Variants in DCC observed in about 807,000 individuals in gnomAD.
DCC encodes netrin receptor DCC.
Under a neutral mutation model 172.5 loss-of-function variants are expected in DCC, and 58 were observed. That is an observed-to-expected ratio of 0.34 (90% CI 0.27 to 0.42). The LOEUF is 0.42. Among genes scored for constraint, DCC ranks in the 10% least tolerant of loss-of-function variants. The pLI, the probability that DCC is intolerant of heterozygous loss-of-function variation, is 1.00. For missense variants in DCC, 1,740 were observed against 1,791.0 expected, an observed-to-expected ratio of 0.97 and a Z score of 0.51; for synonymous variants, 709 against 644.5, an observed-to-expected ratio of 1.10 and a Z score of -1.52.
intron 12 of DCC, among the ~76,000 whole-genome samples, chr18:53,293,403 C>A (rs1356046424): frequency 3.3e-5 from 5 of 152,214 alleles, no homozygotes; most frequent in African/African-American, 1.2e-4. Flanking sequence ...TGTTTCTGTA[C>A]ATCTGTGCCT....
intron 27 of DCC, among the ~76,000 whole-genome samples, chr18:53,521,853 G>A (rs2046402656): frequency 6.6e-6 from 1 of 152,210 alleles, no homozygotes; most frequent in Non-Finnish European, 1.5e-5. Context: ...AGTAAAAGAT[G>A]TGTGAAAAAA....
chr18:53,333,384 A>G (rs1454475964), intron 14 of DCC, among the ~76,000 whole-genome samples: 1 of 152,222 alleles, frequency 6.6e-6, no homozygotes, highest in African/African-American at 2.4e-5. Context: ...CTCTAACAAA[A>G]TGATCCATAA....
At chr18:52,888,634 T>C (rs756033713) in intron 2 of DCC, among the ~76,000 whole-genome samples, 8 of 151,930 alleles carry the variant, frequency 5.3e-5, no homozygotes, top group African/African-American at 9.7e-5. Flanking sequence ...TATATAAATA[T>C]TGCAAAAAAC....
chr18:53,154,034 G>A (rs2054687401), intron 7 of DCC, among the ~76,000 whole-genome samples: 2 of 152,188 alleles, frequency 1.3e-5, no homozygotes, highest in Non-Finnish European at 2.9e-5. Context: ...GCCTCTGCCC[G>A]AAGGTATTTT....
At chr18:53,080,205 A>G (rs918259494) in intron 7 of DCC, among the ~76,000 whole-genome samples, 16 of 152,046 alleles carry the variant, frequency 1.1e-4, no homozygotes, top group African/African-American at 3.9e-4. Flanking sequence ...ATTGAGATGA[A>G]TATGTGCAGG....
intron 1 of DCC, among the ~76,000 whole-genome samples, chr18:52,719,353 A>G (rs1488404307): frequency 6.6e-6 from 1 of 152,160 alleles, no homozygotes; most frequent in Non-Finnish European, 1.5e-5. Context: ...AAAAATCAAC[A>G]TTAAAAACCT....
intron 1 of DCC, among the ~76,000 whole-genome samples, chr18:52,543,968 C>T (rs1025357851): frequency 1.1e-4 from 16 of 152,122 alleles, no homozygotes; most frequent in South Asian, 2.1e-4. Context: ...TGCTATGAAA[C>T]GCTTACAAAA....
intron 2 of DCC, among the ~76,000 whole-genome samples, chr18:52,805,018 A>G (rs954236773): frequency 2.0e-5 from 3 of 152,332 alleles, no homozygotes; most frequent in South Asian, 2.1e-4. Context: ...CTCTGCCACT[A>G]AATGTGTAAT....
intron 9 of DCC, among the ~76,000 whole-genome samples, chr18:53,201,994 G>C (rs1189860632): frequency 1.3e-5 from 2 of 152,150 alleles, no homozygotes; most frequent in Non-Finnish European, 2.9e-5. Context: ...CATATGTACT[G>C]TCTGTGTATA....
chr18:52,344,209 G>A (rs376667252), intron 1 of DCC, among the ~76,000 whole-genome samples: 3 of 152,210 alleles, frequency 2.0e-5, no homozygotes, highest in South Asian at 2.1e-4. Flanking sequence ...TCATTGAAGA[G>A]GAAGAGCCTT....
intron 2 of DCC, among the ~76,000 whole-genome samples, chr18:52,787,467 T>C (rs2037681653): frequency 1.3e-5 from 2 of 152,144 alleles, no homozygotes; most frequent in Non-Finnish European, 2.9e-5. Context: ...TTTACAATAA[T>C]TTTACCCTTA....
intron 1 of DCC, among the ~76,000 whole-genome samples, chr18:52,581,914 C>A (rs1190540495): frequency 6.6e-6 from 1 of 152,144 alleles, no homozygotes; most frequent in Non-Finnish European, 1.5e-5. Context: ...GATGAACTAA[C>A]TATTGGTGGT....
At chr18:53,477,643 G>T (rs968499742) in intron 25 of DCC, among the ~76,000 whole-genome samples, 5 of 152,182 alleles carry the variant, frequency 3.3e-5, no homozygotes, top group African/African-American at 1.2e-4. Flanking sequence ...AATGTTAACA[G>T]ATAAAACATA....
chr18:53,518,752 G>A (rs751387562), intron 27 of DCC, among the ~76,000 whole-genome samples: 10 of 152,082 alleles, frequency 6.6e-5, no homozygotes, highest in South Asian at 6.2e-4. Flanking sequence ...CCAAAGGGTC[G>A]CCTGAAACTT....
chr18:53,103,676 C>T (rs184657923), intron 7 of DCC, among the ~76,000 whole-genome samples: 51 of 152,166 alleles, frequency 3.4e-4, no homozygotes, highest in African/African-American at 8.4e-4. Flanking sequence ...TTTCATGAAA[C>T]GCTTGATCCT....
intron 8 of DCC, among the ~76,000 whole-genome samples, chr18:53,159,008 A>AAAAAAAAAAAAAAAAAAAAG (rs34406723): frequency 1.3e-4 from 16 of 119,168 alleles, no homozygotes; most frequent in African/African-American, 3.9e-4. Context: ...AAAAAAAAGA[A>AAAAAAAAAAAAAAAAAAAAG]GAAGATGTAG....
chr18:52,532,605 G>A (rs1043155314), intron 1 of DCC, among the ~76,000 whole-genome samples: 3 of 152,136 alleles, frequency 2.0e-5, no homozygotes, highest in Non-Finnish European at 4.4e-5. Context: ...ATTGACTGAA[G>A]GATATGGGTG....
intron 8 of DCC, among the ~76,000 whole-genome samples, chr18:53,161,033 C>A (rs1167726030): frequency 6.6e-6 from 1 of 152,198 alleles, no homozygotes; most frequent in Non-Finnish European, 1.5e-5. Context: ...AGGTGAATTA[C>A]ACCTATCAGC....
chr18:53,009,424 A>G (rs1599024237), intron 5 of DCC, among the ~76,000 whole-genome samples: 1 of 151,950 alleles, frequency 6.6e-6, no homozygotes, highest in Admixed American at 6.6e-5. Context: ...GATGGTGTCA[A>G]TAAGACACTA....
Sources: gnomAD v4.1 joint callset for allele counts (sites outside exome capture counted in the v4.1 genomes callset) on GRCh38, gnomAD v4.1.1 for gene constraint, MANE v1.5 for transcripts, NCBI Gene and HGNC (gene_info 2026-07-23, HGNC 2026-07-21) for gene names.